Variants in LRIG3 observed in about 807,000 individuals in gnomAD.
LRIG3 encodes the protein leucine rich repeats and immunoglobulin like domains 3.
Under a neutral mutation model 114.5 loss-of-function variants are expected in LRIG3, and 76 were observed. That is an observed-to-expected ratio of 0.66 (90% CI 0.55 to 0.80). The LOEUF is 0.80. Among genes scored for constraint, LRIG3 ranks in the 30% least tolerant of loss-of-function variants. LRIG3 has a pLI of 0.00. For missense variants in LRIG3, 1,239 were observed against 1,382.8 expected (o/e 0.90, Z 1.65); for synonymous variants, 512 against 519.8 (o/e 0.98, Z 0.20).
At chr12:58,883,307 T>C (rs567775710) in intron 11 of LRIG3, among the ~76,000 whole-genome samples, 1 of 152,186 alleles carries the variant, frequency 6.6e-6, no homozygotes, top group Admixed American at 6.5e-5. Context: ...TGTACTATAT[T>C]TGGTCCCACA....
intron 14 of LRIG3, 120 bp from the exon 15 acceptor site, chr12:58,877,972 G>T: frequency 1.0e-6 from 1 of 971,980 alleles, no homozygotes; most frequent in Non-Finnish European, 1.5e-6. Context: ...CAACTTACTG[G>T]ACACACTTTT....
chr12:58,912,253 T>C (rs181210218), intron 3 of LRIG3, among the ~76,000 whole-genome samples: 1 of 152,220 alleles, frequency 6.6e-6, no homozygotes, highest in Non-Finnish European at 1.5e-5. Flanking sequence ...TCCCAACACT[T>C]TGGGAGGCCG....
chr12:58,881,799 G>A (rs903202927), intron 12 of LRIG3, among the ~76,000 whole-genome samples: 1 of 152,168 alleles, frequency 6.6e-6, no homozygotes, highest in African/African-American at 2.4e-5. Flanking sequence ...TCTGCATATT[G>A]TAATCGAGGT....
At position 58,874,164 on chromosome 12, in the gene LRIG3, G is replaced by GT; in HGVS notation, c.3005dup (p.Tyr1002Ter). 1 of 1,614,212 alleles carries GT rather than the reference G, an allele frequency of 6.2e-7. No individual in the cohort carries two copies. Among genetic ancestry groups the GT allele is most frequent in the Non-Finnish European group, 8.5e-7 (1 of 1,180,032 alleles). ...SHVRKLLNTS[Y>*]SHNEGPGMKN... ...TCATTCCAGGTCCTTCATTGTGAGA[G>GT]TAACTAGTGTTAAGTAGCTTCCTCA... The change falls in exon 18 of 19, where the codon TAC becomes TAAC. Residue 1002 changes from tyrosine (Y) to a stop codon, truncating the protein, a stop_gained and frameshift_variant. Transcript: ENST00000320743. LOFTEE classifies it high-confidence loss of function.
chr12:58,919,639 G>A (rs1872600181), intron 1 of LRIG3: 1 of 1,428,672 alleles, frequency 7.0e-7, no homozygotes. Flanking sequence ...CCTGATGTGT[G>A]CAGGTTGCCG....
intron 3 of LRIG3, among the ~76,000 whole-genome samples, chr12:58,895,940 C>T (rs1432607578): frequency 1.1e-4 from 16 of 152,260 alleles, no homozygotes; most frequent in Admixed American, 1.0e-3. Context: ...AGCCTCTGGC[C>T]ACAGGGACCC....
intron 3 of LRIG3, among the ~76,000 whole-genome samples, chr12:58,899,384 T>G (rs1448730441): frequency 1.3e-5 from 2 of 152,228 alleles, no homozygotes; most frequent in Non-Finnish European, 2.9e-5. Context: ...TGTTAGCCTT[T>G]TTAGTTCATC....
intron 4 of LRIG3, among the ~76,000 whole-genome samples, chr12:58,890,344 A>C (rs914424786): frequency 6.6e-6 from 1 of 152,186 alleles, no homozygotes; most frequent in Non-Finnish European, 1.5e-5. Flanking sequence ...CGGATGCAAA[A>C]TTTTTTTATA....
At chr12:58,914,408 G>A (rs1872401401) in intron 1 of LRIG3, 72 bp from the exon 2 acceptor site, 3 of 1,151,104 alleles carry the variant, frequency 2.6e-6, no homozygotes, top group Non-Finnish European at 3.9e-6. Context: ...GGCTTATGAA[G>A]TATCTCTATG....
At chr12:58,881,186 G>C (rs1487653903) in intron 12 of LRIG3, among the ~76,000 whole-genome samples, 2 of 152,116 alleles carry the variant, frequency 1.3e-5, no homozygotes, top group African/African-American at 2.4e-5. Context: ...CTTTATTCCT[G>C]ATCCCTTATG....
intron 1 of LRIG3, among the ~76,000 whole-genome samples, chr12:58,916,325 C>T (rs1376855195): frequency 6.6e-6 from 1 of 152,046 alleles, no homozygotes; most frequent in Non-Finnish European, 1.5e-5. Flanking sequence ...CATTTCCATT[C>T]TTGAGTTTTG....
chr12:58,887,277 A>G lies in LRIG3; in HGVS notation c.1092-387T>C, dbSNP rs146932373. Among the ~76,000 whole-genome samples, 771 of 152,318 alleles carry G rather than the reference A, an allele frequency of 5.1e-3. 1 individual carries two copies. The highest frequency in any genetic ancestry group is 8.3e-3 in the Non-Finnish European group (567 of 68,024). ...ACGTAATGCTTCAAATAGCGAACAGAGCAAAAGTTTCTGACAGAGCAAAAA... is the reference window on the plus strand; with the variant it reads ...ACGTAATGCTTCAAATAGCGAACAGGGCAAAAGTTTCTGACAGAGCAAAAA... On this transcript the variant is annotated intron_variant, in intron 8 of 18. Coordinates refer to ENST00000320743, the MANE Select transcript of LRIG3 (RefSeq NM_153377.5).
Position 58,890,529 on chromosome 12 carries a change from T to C in LRIG3, c.515+136A>G. 7 of 794,790 alleles carry C rather than the reference T, an allele frequency of 8.8e-6. No homozygotes were observed. In the South Asian group the frequency reaches 1.9e-4, roughly 22 times the overall value. The allele number at this position is 794,790 out of a possible 1,614,324, so 49.2% of individuals were successfully genotyped here. A position where few individuals can be genotyped will look rare whatever the true frequency, so the allele number is the denominator to read the frequency against. ...ACTGAAGATTGTGGTCATTCGAGCT[T>C]ACAGCAAATTTCAAGTCAATAAATT... On this transcript the variant is annotated intron_variant, in intron 4 of 18. Coordinates refer to ENST00000320743, the MANE Select transcript of LRIG3 (RefSeq NM_153377.5).
At chr12:58,903,758 G>A (rs1871956699) in intron 3 of LRIG3, among the ~76,000 whole-genome samples, 1 of 151,716 alleles carries the variant, frequency 6.6e-6, no homozygotes. Context: ...TGTAAGGAAG[G>A]GATCCAGTTT....
chr12:58,872,624 G>T lies in LRIG3; in HGVS notation c.3308C>A (p.Thr1103Asn), dbSNP rs373821290. The T allele has an allele frequency of 6.1e-5, 98 of 1,613,910 alleles. No individual in the cohort carries two copies. Among genetic ancestry groups the T allele is most frequent in the Non-Finnish European group, 8.2e-5 (97 of 1,179,964 alleles). Residue 1103 changes from threonine (T) to asparagine (N), a missense_variant, in exon 19 of 19, where the codon ACT (threonine) becomes AAT (asparagine). Thr to Asn is a moderately conservative substitution (Grantham distance 65, BLOSUM62 0). Transcript: ENST00000320743. ...EENHICTFKQTLENYRTPNFQ... is the reference protein window; with the variant it reads ...EENHICTFKQNLENYRTPNFQ... ...ATTTGGAGTCCTGTAGTTTTCTAAAGTCTGTTTAAAGGTACAAATGTGATT... is the reference window on the plus strand; with the variant it reads ...ATTTGGAGTCCTGTAGTTTTCTAAATTCTGTTTAAAGGTACAAATGTGATT...
intron 1 of LRIG3, 26 bp from the exon 2 acceptor site, chr12:58,914,362 T>C: frequency 6.4e-7 from 1 of 1,570,858 alleles, no homozygotes; most frequent in Non-Finnish European, 8.7e-7. Context: ...AATAAAATTA[T>C]AAGTCATTTC....
At chr12:58,917,151 C>T (rs563956571) in intron 1 of LRIG3, among the ~76,000 whole-genome samples, 14 of 152,150 alleles carry the variant, frequency 9.2e-5, no homozygotes, top group African/African-American at 3.1e-4. Flanking sequence ...AACTGTGGTC[C>T]GGACCATAAG....
rs1416413679 is a variant in LRIG3 at position 58,888,301 on chromosome 12, T to C, written c.947+28A>G. On this transcript the variant is annotated intron_variant, in intron 7 of 18. Transcript: ENST00000320743. ...CTGGCATGATCCCTGCTCTCAAACC[T>C]GAGGAGAATAAATAAAAGGCAACTC... 1.9e-6 allele frequency: 3 copies of C among 1,605,680 alleles called. No homozygotes were observed. The South Asian group carries it at 3.3e-5, about 18-fold the overall frequency.
chr12:58,886,970 T>C (rs1871296371), intron 8 of LRIG3, 80 bp from the exon 9 acceptor site: 1 of 1,079,792 alleles, frequency 9.3e-7, no homozygotes, highest in African/African-American at 1.6e-5. Flanking sequence ...ATATCATTTG[T>C]AAAAAATTTC....
Sources: gnomAD v4.1 joint callset for allele counts (sites outside exome capture counted in the v4.1 genomes callset) on GRCh38, gnomAD v4.1.1 for gene constraint, MANE v1.5 for transcripts, NCBI Gene and HGNC (gene_info 2026-07-23, HGNC 2026-07-21) for gene names.